CADPS: variants seen among roughly 807,000 people sequenced by gnomAD.
CADPS encodes calcium dependent secretion activator.
Under a neutral mutation model 167.3 loss-of-function variants are expected in CADPS, and 57 were observed. The ratio of observed to expected loss-of-function variants is 0.34; its 90% CI spans 0.28 to 0.42. The LOEUF (loss-of-function observed/expected upper bound fraction) is 0.42, where lower values mean the gene tolerates loss of function less well. CADPS is among the 20% of genes least tolerant of loss of function. The probability of loss-of-function intolerance (pLI) is 1.00; values close to 1 mark genes in which losing one functional copy is unlikely to be tolerated. For missense variants in CADPS, 1,414 were observed against 1,738.1 expected, an observed-to-expected ratio of 0.81 and a Z score of 3.32; for synonymous variants, 676 against 635.3, an observed-to-expected ratio of 1.06 and a Z score of -0.96.
intron 28 of CADPS, among the ~76,000 whole-genome samples, chr3:62,432,721 C>T (rs1055273423): frequency 6.6e-6 from 1 of 152,012 alleles, no homozygotes; most frequent in Non-Finnish European, 1.5e-5. Flanking sequence ...GATTATCATC[C>T]CTGTTATATA....
chr3:62,757,256 A>G (rs1279796869), intron 2 of CADPS, among the ~76,000 whole-genome samples: 8 of 152,186 alleles, frequency 5.3e-5, no homozygotes, highest in African/African-American at 1.9e-4. Context: ...AATGGGCCTC[A>G]GTTATAAGCT....
chr3:62,401,269 CAT>C (rs1706011237), intron 29 of CADPS, among the ~76,000 whole-genome samples: 1 of 151,984 alleles, frequency 6.6e-6, no homozygotes, highest in African/African-American at 2.4e-5. Flanking sequence ...CTTAGAATAA[CAT>C]AATTGTTGCC....
At chr3:62,731,260 T>C (rs2077728350) in intron 3 of CADPS, among the ~76,000 whole-genome samples, 1 of 152,200 alleles carries the variant, frequency 6.6e-6, no homozygotes, top group Non-Finnish European at 1.5e-5. Flanking sequence ...CATGTAGCTG[T>C]CACTCACTAA....
chr3:62,692,895 T>A (rs972435700), intron 3 of CADPS, among the ~76,000 whole-genome samples: 8 of 151,934 alleles, frequency 5.3e-5, no homozygotes, highest in African/African-American at 1.9e-4. Flanking sequence ...ACCATCCAGG[T>A]CTCTTCTCAT....
chr3:62,638,911 A>T (rs1391264318), intron 6 of CADPS, among the ~76,000 whole-genome samples: 5 of 152,170 alleles, frequency 3.3e-5, no homozygotes, highest in African/African-American at 9.6e-5. Flanking sequence ...CTTACATAAC[A>T]CAGGTTGGCA....
intron 21 of CADPS, among the ~76,000 whole-genome samples, chr3:62,485,444 G>C (rs568251688): frequency 6.6e-6 from 1 of 151,994 alleles, no homozygotes; most frequent in Non-Finnish European, 1.5e-5. Flanking sequence ...TGACCCCTTA[G>C]TGGAAATTGA....
intron 1 of CADPS, among the ~76,000 whole-genome samples, chr3:62,852,903 A>T (rs913175764): frequency 9.9e-5 from 15 of 152,222 alleles, no homozygotes; most frequent in Non-Finnish European, 1.9e-4. Context: ...CTCAGATCAG[A>T]GATATGTTAC....
intron 3 of CADPS, among the ~76,000 whole-genome samples, chr3:62,717,611 C>T (rs1344162237): frequency 6.6e-6 from 1 of 152,148 alleles, no homozygotes; most frequent in East Asian, 1.9e-4. Context: ...GCCTTGTTTC[C>T]ATATTGTTCT....
intron 3 of CADPS, among the ~76,000 whole-genome samples, chr3:62,746,863 G>A (rs1432919278): frequency 6.6e-6 from 1 of 152,122 alleles, no homozygotes; most frequent in Non-Finnish European, 1.5e-5. Flanking sequence ...CAGACGACCT[G>A]GCTAAGTCAT....
At chr3:62,794,122 A>G (rs1219497569) in intron 1 of CADPS, among the ~76,000 whole-genome samples, 1 of 152,178 alleles carries the variant, frequency 6.6e-6, no homozygotes, top group Non-Finnish European at 1.5e-5. Flanking sequence ...TGATGGAATG[A>G]TGAGTAACAG....
intron 28 of CADPS, among the ~76,000 whole-genome samples, chr3:62,405,226 G>A (rs137937013): frequency 3.3e-5 from 5 of 151,238 alleles, no homozygotes; most frequent in Admixed American, 1.3e-4. Context: ...GATGACCTTC[G>A]AGCAATCCTG....
intron 8 of CADPS, among the ~76,000 whole-genome samples, chr3:62,574,821 A>T (rs1379617322): frequency 6.6e-6 from 1 of 152,202 alleles, no homozygotes; most frequent in Admixed American, 6.5e-5. Flanking sequence ...GTGAAGTATA[A>T]GCATGAGGCA....
intron 22 of CADPS, among the ~76,000 whole-genome samples, chr3:62,479,852 T>A (rs1443715789): frequency 6.6e-6 from 1 of 152,218 alleles, no homozygotes; most frequent in Non-Finnish European, 1.5e-5. Context: ...GAATGCGTTG[T>A]TTCTCCGTGA....
intron 19 of CADPS, 23 bp from the exon 20 acceptor site, chr3:62,492,469 AAT>A (rs1471503209): frequency 1.2e-6 from 2 of 1,609,530 alleles, no homozygotes; most frequent in Non-Finnish European, 1.7e-6. Context: ...GCAGAAAAAC[AAT>A]AGACAAAGAA....
At chr3:62,409,396 T>A (rs1386216005) in intron 28 of CADPS, among the ~76,000 whole-genome samples, 1 of 152,230 alleles carries the variant, frequency 6.6e-6, no homozygotes, top group African/African-American at 2.4e-5. Flanking sequence ...TCTTAGAGCC[T>A]GAGCTTGGCT....
intron 3 of CADPS, among the ~76,000 whole-genome samples, chr3:62,697,721 C>T (rs1563987438): frequency 6.6e-6 from 1 of 152,086 alleles, no homozygotes; most frequent in Non-Finnish European, 1.5e-5. Flanking sequence ...ACATTCCTAC[C>T]AGTAGTGTAG....
intron 9 of CADPS, among the ~76,000 whole-genome samples, chr3:62,562,345 T>C (rs1015816312): frequency 6.6e-5 from 10 of 152,184 alleles, no homozygotes; most frequent in Non-Finnish European, 1.5e-4. Context: ...GGAGAATAGA[T>C]TTTAGAGTCA....
chr3:62,509,238 A>G (rs2067253255), intron 17 of CADPS, among the ~76,000 whole-genome samples: 1 of 143,742 alleles, frequency 7.0e-6, no homozygotes, highest in East Asian at 2.2e-4. Flanking sequence ...CAGGAAGTAG[A>G]TGTTGTGGTG....
At chr3:62,786,768 G>T (rs904337285) in intron 1 of CADPS, among the ~76,000 whole-genome samples, 3 of 152,122 alleles carry the variant, frequency 2.0e-5, no homozygotes, top group Non-Finnish European at 4.4e-5. Flanking sequence ...ATTTTAGTAA[G>T]TTTTAAAGAA....
Sources: gnomAD v4.1 joint callset for allele counts (sites outside exome capture counted in the v4.1 genomes callset) on GRCh38, gnomAD v4.1.1 for gene constraint, MANE v1.5 for transcripts, NCBI Gene and HGNC (gene_info 2026-07-23, HGNC 2026-07-21) for gene names.